The following SHANK2 variants were observed in gnomAD, a reference collection of about 807,000 sequenced individuals.
SHANK2 encodes SH3 and multiple ankyrin repeat domains 2, also known as SH3 and multiple ankyrin repeat domains protein 2.
In SHANK2, 43 loss-of-function variants were observed where a neutral mutation model predicts 133.7. The observed-to-expected ratio is 0.32, with a 90% CI of 0.25 to 0.41. The LOEUF (loss-of-function observed/expected upper bound fraction) is 0.41, where lower values mean the gene tolerates loss of function less well. SHANK2 is among the 10% of genes least tolerant of loss of function. The pLI is 1.00. For missense variants in SHANK2, 1,994 were observed against 2,235.8 expected (o/e 0.89, Z 2.18); for synonymous variants, 1,017 against 952.8 (o/e 1.07, Z -1.24).
In SHANK2 at chr11:70,472,764, G is replaced by A. The variant is rs141445395; in HGVS notation, c.*105C>T. 18 of 1,113,634 alleles carry A rather than the reference G, an allele frequency of 1.6e-5. No individual in the cohort carries two copies. The highest frequency in any genetic ancestry group is 2.3e-5 in the Non-Finnish European group (17 of 726,188). 69.0% of individuals were successfully genotyped at this position (1,113,634 alleles called of 1,614,324 possible). A position where few individuals can be genotyped will look rare whatever the true frequency, so the allele number is the denominator to read the frequency against. ...TTGGGTACCAGGAGACAAACCCATG[G>A]AGTGGGGTTGATGCTCACAGACTTC... On this transcript the variant is annotated 3_prime_UTR_variant, in exon 26 of 26. Transcript: ENST00000601538. This position sits in a 1 kb window ranked among gnomAD's most constrained non-coding sequence, Gnocchi z 4.4.
At chr11:70,650,090 G>A (rs2061322138) in intron 17 of SHANK2, among the ~76,000 whole-genome samples, 1 of 152,212 alleles carries the variant, frequency 6.6e-6, no homozygotes, top group Non-Finnish European at 1.5e-5. Context: ...AGCACACGGT[G>A]TGAGTGTGAG....
At chr11:70,629,622 G>A (rs1343784502) in intron 17 of SHANK2, among the ~76,000 whole-genome samples, 3 of 152,102 alleles carry the variant, frequency 2.0e-5, no homozygotes, top group Non-Finnish European at 4.4e-5. Context: ...TGCCACAGCC[G>A]CTACTGCTAG....
chr11:70,773,753 C>T (rs868974179), intron 14 of SHANK2, among the ~76,000 whole-genome samples: 1 of 152,128 alleles, frequency 6.6e-6, no homozygotes, highest in Non-Finnish European at 1.5e-5. Flanking sequence ...TAGGGGAATG[C>T]AAATCAAAAC....
At chr11:70,877,305 C>T (rs972514987) in intron 11 of SHANK2, among the ~76,000 whole-genome samples, 13 of 152,218 alleles carry the variant, frequency 8.5e-5, no homozygotes, top group African/African-American at 2.9e-4. Context: ...CACCCTATGC[C>T]GATGGCCAGC....
intron 6 of SHANK2, among the ~76,000 whole-genome samples, chr11:71,102,816 C>T (rs1251667011): frequency 6.6e-6 from 1 of 152,220 alleles, no homozygotes; most frequent in East Asian, 1.9e-4. Flanking sequence ...CTCTGCCCTC[C>T]CTGGTGACTC....
chr11:70,819,476 C>T (rs1053294678), intron 12 of SHANK2, among the ~76,000 whole-genome samples: 6 of 152,198 alleles, frequency 3.9e-5, no homozygotes, highest in African/African-American at 1.2e-4. Context: ...GTCTCTTCCT[C>T]GACTGAAAAT....
chr11:71,120,619 G>A (rs187290146), intron 3 of SHANK2, among the ~76,000 whole-genome samples: 114 of 152,248 alleles, frequency 7.5e-4, no homozygotes, highest in African/African-American at 2.4e-3. Context: ...CTCACGTGTG[G>A]CTCTCAAAGC....
At chr11:70,947,801 C>A (rs1950769381) in intron 10 of SHANK2, among the ~76,000 whole-genome samples, 1 of 152,164 alleles carries the variant, frequency 6.6e-6, no homozygotes, top group Non-Finnish European at 1.5e-5. Context: ...GAGATTTTAC[C>A]AACGTTGCTT....
intron 14 of SHANK2, among the ~76,000 whole-genome samples, chr11:70,722,374 A>T (rs1339433522): frequency 6.6e-6 from 1 of 152,186 alleles, no homozygotes; most frequent in Non-Finnish European, 1.5e-5. Context: ...ACCCTAAGGG[A>T]CATGAAGGCT....
At chr11:70,802,122 C>T (rs1005399550) in intron 13 of SHANK2, among the ~76,000 whole-genome samples, 9 of 152,132 alleles carry the variant, frequency 5.9e-5, no homozygotes, top group African/African-American at 9.7e-5. Context: ...GGGGCACATA[C>T]GGCACGGCTG....
chr11:70,716,305 T>C (rs1555027270), intron 14 of SHANK2, among the ~76,000 whole-genome samples: 1 of 152,058 alleles, frequency 6.6e-6, no homozygotes, highest in Non-Finnish European at 1.5e-5. Context: ...GGGGGCCATG[T>C]CCAAGGGCAC....
At chr11:70,903,623 C>A (rs1193401508) in intron 10 of SHANK2, among the ~76,000 whole-genome samples, 1 of 152,066 alleles carries the variant, frequency 6.6e-6, no homozygotes, top group Non-Finnish European at 1.5e-5. Context: ...GGCTTGTCCA[C>A]GAGGGGCTGG....
intron 14 of SHANK2, among the ~76,000 whole-genome samples, chr11:70,778,460 T>G (rs1555044414): frequency 6.6e-6 from 1 of 152,216 alleles, no homozygotes; most frequent in Non-Finnish European, 1.5e-5. Context: ...GCTGAAGCCA[T>G]GACCCCCTCA....
At chr11:70,603,267 C>G (rs1003263899) in intron 17 of SHANK2, 1 of 152,336 alleles carries the variant, frequency 6.6e-6, no homozygotes, top group Non-Finnish European at 1.5e-5. Flanking sequence ...CAGTTGAGCC[C>G]GAGGCTCAGG....
chr11:70,660,031 C>G (rs1221399640), intron 16 of SHANK2, 79 bp from the exon 17 acceptor site: 26 of 1,591,362 alleles, frequency 1.6e-5, no homozygotes, highest in East Asian at 1.1e-4. Context: ...CCCACAGGAC[C>G]CCGGGAGGAA....
chr11:70,856,161 G>A (rs1377774998), intron 11 of SHANK2, among the ~76,000 whole-genome samples: 3 of 151,726 alleles, frequency 2.0e-5, no homozygotes, highest in Non-Finnish European at 1.5e-5. Flanking sequence ...TGGATGAATG[G>A]ATAGGTGATG....
intron 2 of SHANK2, among the ~76,000 whole-genome samples, chr11:71,153,174 G>C (rs530210936): frequency 3.2e-4 from 49 of 152,028 alleles, no homozygotes; most frequent in African/African-American, 1.2e-3. Context: ...AAGCAAAGCC[G>C]AAGACGCAAT....
chr11:70,859,319 T>C (rs1329845581), intron 11 of SHANK2, among the ~76,000 whole-genome samples: 1 of 151,894 alleles, frequency 6.6e-6, no homozygotes, highest in African/African-American at 2.4e-5. Flanking sequence ...AGTGGAGGGA[T>C]AGATGAATGG....
At chr11:70,502,763 C>A in intron 18 of SHANK2, 33 bp downstream of exon 18, 3 of 1,124,548 alleles carry the variant, frequency 2.7e-6, no homozygotes, top group South Asian at 1.3e-5. Flanking sequence ...CAGTAGGGCC[C>A]CAGGCTGGAG....
Sources: gnomAD v4.1 joint callset for allele counts (sites outside exome capture counted in the v4.1 genomes callset) on GRCh38, gnomAD v4.1.1 for gene constraint, Gnocchi (gnomAD v3.1) non-coding constraint, MANE v1.5 for transcripts, NCBI Gene and HGNC (gene_info 2026-07-23, HGNC 2026-07-21) for gene names.